Variants in MYO5C observed in about 807,000 individuals in gnomAD.
MYO5C encodes unconventional myosin-Vc.
In MYO5C, 194 loss-of-function variants were observed where a neutral mutation model predicts 235.7. The observed-to-expected ratio is 0.82, with a 90% CI of 0.73 to 0.93. The LOEUF is 0.93. Ranked by LOEUF, MYO5C falls within the 40% of genes least tolerant of loss-of-function variation. The pLI is 0.00. For synonymous variants in MYO5C, 707 were observed against 754.8 expected, an observed-to-expected ratio of 0.94 and a Z score of 1.04; for missense variants, 2,038 against 2,127.2, an observed-to-expected ratio of 0.96 and a Z score of 0.82.
rs771142171 is a variant in MYO5C at position 52,214,524 on chromosome 15, T to G, written c.4042+79A>C. ...TCATTCCTTTGGGTTTCATAAGCTT[T>G]GGACCAGAAAGAAAATAAACACTTG... On this transcript the variant is annotated intron_variant, in intron 33 of 40. Transcript: ENST00000261839. The G allele has an allele frequency of 5.1e-5, 54 of 1,062,206 alleles. No homozygotes were observed. The Admixed American group carries it at 1.0e-3, about 20-fold the overall frequency. 65.8% of individuals were successfully genotyped at this position (1,062,206 alleles called of 1,614,324 possible).
Position 52,223,649 on chromosome 15 carries a change from C to T in MYO5C, c.3522G>A (p.Val1174=). Residue 1174 remains valine (V), a synonymous_variant, in exon 29 of 41, where the codon GTG becomes GTA. Coordinates refer to ENST00000261839, the MANE Select transcript of MYO5C (RefSeq NM_018728.4). ...GGTGGTTGATTTCTTGACTGAGATG[C>T]ACCACTTTGAAGTTCAAAGCTTCAA... ...KEIEALNFKV[V]HLSQEINHLQ... 1 of 1,614,128 alleles carries T rather than the reference C, an allele frequency of 6.2e-7. No individual in the cohort carries two copies. The highest frequency in any genetic ancestry group is 8.5e-7 in the Non-Finnish European group (1 of 1,179,998).
chr15:52,274,676 C>CA (rs1555420141), intron 5 of MYO5C, among the ~76,000 whole-genome samples: 1 of 148,542 alleles, frequency 6.7e-6, no homozygotes, highest in African/African-American at 2.5e-5. Flanking sequence ...TAGTACCCCC[C>CA]CCCCGACATA....
chr15:52,295,147 G>A (rs780512136), intron 1 of MYO5C, among the ~76,000 whole-genome samples: 12 of 152,202 alleles, frequency 7.9e-5, no homozygotes, highest in Non-Finnish European at 1.8e-4. Flanking sequence ...GGAGGGGCCA[G>A]GAGACTGGCC....
At position 52,208,655 on chromosome 15, in the gene MYO5C, A is replaced by G. The variant is rs1323395698; in HGVS notation, c.4297-12T>C. The G allele has an allele frequency of 1.2e-6, 2 of 1,611,016 alleles. No homozygotes were observed. The highest frequency in any genetic ancestry group is 8.5e-7 in the Non-Finnish European group (1 of 1,177,316). ...TCTTCTAAATGTTCCTTAGGAAAAT[A>G]AGAAAAGACAAAATTGGTCTTGATG... On this transcript the variant is annotated splice_polypyrimidine_tract_variant and intron_variant, in intron 35 of 40. Coordinates refer to ENST00000261839, the MANE Select transcript of MYO5C (RefSeq NM_018728.4).
In MYO5C at chr15:52,242,007, C is replaced by T. The variant is rs2036235456; in HGVS notation, c.2556+41G>A. ...CCTGTTTTGTTCTCAGTAAGGAAGG[C>T]CCGTACACCCTCCCTTCCTCTAGAC... On this transcript the variant is annotated intron_variant, in intron 20 of 40. Coordinates refer to ENST00000261839, the MANE Select transcript of MYO5C (RefSeq NM_018728.4). The T allele has an allele frequency of 5.1e-6, 8 of 1,568,974 alleles. No individual in the cohort carries two copies. The East Asian group carries it at 1.8e-4, about 35-fold the overall frequency.
chr15:52,200,234 C>T (rs527685960), intron 38 of MYO5C, among the ~76,000 whole-genome samples: 2 of 152,166 alleles, frequency 1.3e-5, no homozygotes, highest in South Asian at 2.1e-4. Flanking sequence ...GTGCATTGTC[C>T]GCCTGATGAA....
intron 34 of MYO5C, among the ~76,000 whole-genome samples, chr15:52,212,896 T>C (rs2035478326): frequency 6.6e-6 from 1 of 152,220 alleles, no homozygotes. Context: ...TGAGGACAGT[T>C]TTGGCCCCCA....
chr15:52,251,455 T>C lies in MYO5C; in HGVS notation c.1597A>G (p.Asn533Asp). ...ATTCTAGGCTTTTCAAACAAAGGGT[T>C]CCTGTTGACAAAATTATTATACAGC... Reference protein sequence around the residue: ...QKLYNNFVNRNPLFEKPRMSN... With the variant: ...QKLYNNFVNRDPLFEKPRMSN... The change falls in exon 13 of 41, where the codon AAC becomes GAC. Residue 533 changes from asparagine (N) to aspartate (D), a missense_variant. Physicochemically the swap from Asn to Asp is conservative, Grantham distance 23. Transcript: ENST00000261839. 6.2e-7 allele frequency: 1 copy of C among 1,606,116 alleles called. No individual in the cohort carries two copies. The highest frequency in any genetic ancestry group is 1.1e-5 in the South Asian group (1 of 89,976).
At chr15:52,284,827 T>TTTTC (rs909285385) in intron 1 of MYO5C, among the ~76,000 whole-genome samples, 11 of 132,180 alleles carry the variant, frequency 8.3e-5, no homozygotes, top group African/African-American at 3.0e-4. Flanking sequence ...ATAAAATTCT[T>TTTTC]TTTCTTTCTT....
At position 52,193,382 on chromosome 15, in the gene MYO5C, G is replaced by C. The variant is rs1004557022; in HGVS notation, c.*520C>G. The C allele has an allele frequency of 4.6e-5, 7 of 151,712 alleles. No individual in the cohort carries two copies. Among genetic ancestry groups the C allele is most frequent in the African/African-American group, 1.7e-4 (7 of 41,230 alleles). The allele number at this position is 151,712 out of a possible 1,614,324, so 9.4% of individuals were successfully genotyped here. On this transcript the variant is annotated 3_prime_UTR_variant, in exon 41 of 41. Coordinates refer to ENST00000261839, the MANE Select transcript of MYO5C (RefSeq NM_018728.4). The stretch of plus-strand genomic sequence containing the variant: ...CATTTTTAAATGCAGGGCATTTTCA[G>C]TAAAAAGAGTTCATGAAAACCTTCT...
chr15:52,275,460 G>A (rs1019238283), intron 5 of MYO5C, 102 bp downstream of exon 5: 2 of 1,442,420 alleles, frequency 1.4e-6, no homozygotes, highest in Admixed American at 3.5e-5. Flanking sequence ...CACTTCTTTA[G>A]TCTTTAAAGG....
Position 52,272,692 on chromosome 15 carries a change from T to C in MYO5C, c.638A>G (p.Asp213Gly). 6.2e-7 allele frequency: 1 copy of C among 1,614,086 alleles called. No individual in the cohort carries two copies. Among genetic ancestry groups the C allele is most frequent in the Non-Finnish European group, 8.5e-7 (1 of 1,179,996 alleles). ...GTATTTCCCAAACCGACTACTATTG[T>C]CATTGCGGGTGGTCTTGGCATTTCC... is the stretch of plus-strand genomic sequence containing the variant. Reference protein sequence around the residue: ...AVGNAKTTRNDNSSRFGKYTE... With the variant: ...AVGNAKTTRNGNSSRFGKYTE... The change falls in exon 6 of 41, where the codon GAC (aspartate) becomes GGC (glycine). Residue 213 changes from aspartate (D) to glycine (G), a missense_variant. Asp to Gly is a moderately conservative substitution (Grantham distance 94, BLOSUM62 -1). Transcript: ENST00000261839.
Position 52,244,473 on chromosome 15 carries a change from T to C in MYO5C, c.2273A>G (p.Gln758Arg). The change falls in exon 19 of 41, where the codon CAG becomes CGG. Residue 758 changes from glutamine to arginine, a missense_variant. Physicochemically the swap from Gln to Arg is conservative, Grantham distance 43. Coordinates refer to ENST00000261839, the MANE Select transcript of MYO5C (RefSeq NM_018728.4). ...GTGCTTTTGTACCATAACACAACTC[T>C]GCCTCAGTTTATCCAATCGAAGTTT... ...LEKLRLDKLR[Q>R]SCVMVQKHMR... 1 of 1,614,200 alleles carries C rather than the reference T, an allele frequency of 6.2e-7. No homozygotes were observed. The highest frequency in any genetic ancestry group is 8.5e-7 in the Non-Finnish European group (1 of 1,180,042).
chr15:52,224,112 G>A (rs1030546261), intron 28 of MYO5C, among the ~76,000 whole-genome samples: 5 of 152,076 alleles, frequency 3.3e-5, no homozygotes, highest in Admixed American at 6.6e-5. Context: ...GTGAAATCCC[G>A]TCTCTACTAA....
At chr15:52,215,454 C>G (rs578059593) in intron 32 of MYO5C, among the ~76,000 whole-genome samples, 55 of 152,262 alleles carry the variant, frequency 3.6e-4, no homozygotes, top group African/African-American at 1.3e-3. Flanking sequence ...CCAGAAAGAC[C>G]CACCATGCAG....
intron 38 of MYO5C, among the ~76,000 whole-genome samples, chr15:52,198,805 C>G (rs1354207650): frequency 6.6e-6 from 1 of 152,080 alleles, no homozygotes; most frequent in Non-Finnish European, 1.5e-5. Context: ...TGGTCTCGAA[C>G]TCCTGACCTT....
At chr15:52,274,301 T>G (rs2036990695) in intron 5 of MYO5C, among the ~76,000 whole-genome samples, 2 of 152,192 alleles carry the variant, frequency 1.3e-5, no homozygotes, top group South Asian at 4.1e-4. Context: ...TATTTTGAGA[T>G]GGGGTCCTGC....
intron 24 of MYO5C, among the ~76,000 whole-genome samples, chr15:52,232,098 T>TA (rs1388460528): frequency 4.0e-5 from 3 of 75,216 alleles, no homozygotes; most frequent in Admixed American, 1.4e-4. Flanking sequence ...AGCAATAAAG[T>TA]AAAAAAAAAA....
chr15:52,212,449 C>T (rs753769221), intron 34 of MYO5C, among the ~76,000 whole-genome samples: 8 of 152,170 alleles, frequency 5.3e-5, no homozygotes, highest in Non-Finnish European at 1.0e-4. Flanking sequence ...AAAGAAGAGG[C>T]TCACACTGCA....
Sources: allele counts gnomAD v4.1 joint callset (sites outside exome capture counted in the v4.1 genomes callset), GRCh38; gene constraint gnomAD v4.1.1; transcripts MANE v1.5; gene names NCBI Gene and HGNC (gene_info 2026-07-23, HGNC 2026-07-21).